Variants in GRM8 observed in about 807,000 individuals in gnomAD.
GRM8 encodes the protein glutamate metabotropic receptor 8.
Under a neutral mutation model 87.2 loss-of-function variants are expected in GRM8, and 47 were observed. The observed-to-expected ratio is 0.54, with a 90% confidence interval of 0.43 to 0.69. The LOEUF is 0.69. GRM8 is among the 30% of genes least tolerant of loss of function. The probability of loss-of-function intolerance (pLI) is 0.00; values close to 1 mark genes in which losing one functional copy is unlikely to be tolerated. For missense variants in GRM8, 1,019 were observed against 1,139.2 expected (o/e 0.89, Z 1.52); for synonymous variants, 396 against 404.5 (o/e 0.98, Z 0.25).
intron 8 of GRM8, among the ~76,000 whole-genome samples, chr7:126,602,776 A>G (rs1585188320): frequency 6.6e-6 from 1 of 151,652 alleles, no homozygotes; most frequent in East Asian, 2.0e-4. Context: ...CCAGGACCAG[A>G]TGGATTCACA....
At chr7:126,735,552 T>C (rs1269839356) in intron 7 of GRM8, among the ~76,000 whole-genome samples, 1 of 152,094 alleles carries the variant, frequency 6.6e-6, no homozygotes, top group East Asian at 1.9e-4. Flanking sequence ...AGGGATTACA[T>C]GCCTAAGAAT....
chr7:126,936,436 C>G (rs1367300189), intron 3 of GRM8, among the ~76,000 whole-genome samples: 1 of 152,094 alleles, frequency 6.6e-6, no homozygotes, highest in African/African-American at 2.4e-5. Context: ...GTGTTACAGA[C>G]TATCTGACTC....
intron 2 of GRM8, among the ~76,000 whole-genome samples, chr7:127,157,401 T>C (rs564950093): frequency 2.6e-5 from 4 of 152,216 alleles, no homozygotes; most frequent in African/African-American, 7.2e-5. Context: ...TCTGGTGAAT[T>C]CTATGGACTC....
intron 9 of GRM8, among the ~76,000 whole-genome samples, chr7:126,468,453 C>T (rs193268739): frequency 1.6e-4 from 25 of 152,152 alleles, no homozygotes; most frequent in African/African-American, 5.8e-4. Flanking sequence ...TAACTTCAAA[C>T]ATCCTGAGCT....
intron 8 of GRM8, among the ~76,000 whole-genome samples, chr7:126,605,585 T>C (rs748272794): frequency 2.6e-5 from 4 of 152,194 alleles, no homozygotes; most frequent in African/African-American, 9.6e-5. Context: ...CCTAACCATA[T>C]ACCCTCTTTG....
intron 6 of GRM8, among the ~76,000 whole-genome samples, chr7:126,791,063 G>A (rs1352696627): frequency 6.6e-6 from 1 of 152,052 alleles, no homozygotes; most frequent in African/African-American, 2.4e-5. Context: ...TGGAATAAAT[G>A]TACATCCTAA....
chr7:126,521,199 A>G (rs1812933289), intron 9 of GRM8, among the ~76,000 whole-genome samples: 1 of 152,186 alleles, frequency 6.6e-6, no homozygotes, highest in Admixed American at 6.6e-5. Context: ...ACGTGTGTGT[A>G]ATTTGAGTCT....
At chr7:127,178,700 A>G (rs1794257171) in intron 2 of GRM8, among the ~76,000 whole-genome samples, 1 of 152,196 alleles carries the variant, frequency 6.6e-6, no homozygotes, top group Admixed American at 6.5e-5. Context: ...TCCTCAAACA[A>G]AACAATTATC....
At chr7:126,653,725 C>T (rs2299488) in intron 7 of GRM8, among the ~76,000 whole-genome samples, 46,715 of 151,992 alleles carry the variant, frequency 0.31, 8,039 homozygotes, top group East Asian at 0.43. Context: ...AACAAGAATA[C>T]CCATGAATAC....
At chr7:126,859,407 C>T (rs983551085) in intron 6 of GRM8, among the ~76,000 whole-genome samples, 2 of 152,172 alleles carry the variant, frequency 1.3e-5, no homozygotes, top group Non-Finnish European at 2.9e-5. Context: ...ATCTGTTGCA[C>T]TTTCCCCAAG....
At chr7:126,646,713 A>G (rs1475504716) in intron 7 of GRM8, among the ~76,000 whole-genome samples, 1 of 152,238 alleles carries the variant, frequency 6.6e-6, no homozygotes, top group Non-Finnish European at 1.5e-5. Flanking sequence ...AAATGAGGAT[A>G]GCAATTATTT....
chr7:126,570,405 A>G (rs1264530200), intron 8 of GRM8, among the ~76,000 whole-genome samples: 2 of 152,306 alleles, frequency 1.3e-5, no homozygotes, highest in African/African-American at 4.8e-5. Context: ...TTTAGGGCTC[A>G]AAGCATTAAG....
intron 9 of GRM8, among the ~76,000 whole-genome samples, chr7:126,480,848 T>G (rs1243652723): frequency 1.3e-5 from 2 of 152,102 alleles, no homozygotes; most frequent in Admixed American, 1.3e-4. Context: ...TGGGCACACT[T>G]AGCATCCAGA....
At chr7:126,470,207 TA>T (rs1805000455) in intron 9 of GRM8, among the ~76,000 whole-genome samples, 1 of 152,172 alleles carries the variant, frequency 6.6e-6, no homozygotes, top group South Asian at 2.1e-4. Flanking sequence ...ATTATTATTA[TA>T]CTTTAAGTTT....
chr7:127,053,912 A>G (rs539838137), intron 3 of GRM8, among the ~76,000 whole-genome samples: 17 of 152,146 alleles, frequency 1.1e-4, no homozygotes, highest in Non-Finnish European at 2.1e-4. Flanking sequence ...TTTTAAGTTC[A>G]TACTATTTGA....
rs73720738 is a variant in GRM8 at position 126,685,104 on chromosome 7, T to C, written c.1358-75606A>G. On this transcript the variant is annotated intron_variant, in intron 7 of 10. Transcript: ENST00000339582. This position sits in a 1 kb window ranked among gnomAD's most constrained non-coding sequence, Gnocchi z 4.2. ...CCCCCACCTTCACGCAGCCGGGCAG[T>C]ACCCACTCCAGGCCCCGGCCCCGCT... is the stretch of plus-strand genomic sequence containing the variant. 0.016 allele frequency among the ~76,000 whole-genome samples: 2,438 copies of C among 152,260 alleles called. 47 individuals are homozygous for C. Among genetic ancestry groups the C allele is most frequent in the African/African-American group, 0.045 (1,863 of 41,538 alleles).
chr7:127,249,336 G>A (rs1344814553), intron 1 of GRM8, among the ~76,000 whole-genome samples: 1 of 152,134 alleles, frequency 6.6e-6, no homozygotes, highest in African/African-American at 2.4e-5. Context: ...TCATTAGCAG[G>A]TATCAAAGCC....
At chr7:126,728,196 G>C (rs1028494725) in intron 7 of GRM8, among the ~76,000 whole-genome samples, 1 of 152,136 alleles carries the variant, frequency 6.6e-6, no homozygotes, top group African/African-American at 2.4e-5. Context: ...TCCAGTAGGG[G>C]ACTGCAGCAC....
intron 3 of GRM8, among the ~76,000 whole-genome samples, chr7:126,942,613 G>C (rs1481168258): frequency 6.6e-6 from 1 of 152,170 alleles, no homozygotes; most frequent in Non-Finnish European, 1.5e-5. Context: ...CAGCAGGGAG[G>C]TGCAGAGCAT....
Sources: allele counts gnomAD v4.1 joint callset (sites outside exome capture counted in the v4.1 genomes callset), GRCh38; gene constraint gnomAD v4.1.1; non-coding constraint Gnocchi (gnomAD v3.1); transcripts MANE v1.5; gene names NCBI Gene and HGNC (gene_info 2026-07-23, HGNC 2026-07-21).